The following NFKB1 variants were observed in gnomAD, a reference collection of about 807,000 sequenced individuals.
NFKB1 encodes nuclear factor kappa B subunit 1.
Under a neutral mutation model 105.1 loss-of-function variants are expected in NFKB1, and 9 were observed. That is an observed-to-expected ratio of 0.09 (90% CI 0.05 to 0.15). NFKB1 has a LOEUF of 0.15. Among genes scored for constraint, NFKB1 ranks in the 10% least tolerant of loss-of-function variants. NFKB1 has a pLI of 1.00. For synonymous variants in NFKB1, 440 were observed against 442.2 expected (o/e 1.00, Z 0.06); for missense variants, 830 against 1,203.7 (o/e 0.69, Z 4.59).
intron 5 of NFKB1, among the ~76,000 whole-genome samples, chr4:102,543,169 G>A (rs1721858710): frequency 2.6e-5 from 4 of 152,074 alleles, no homozygotes; most frequent in South Asian, 2.1e-4. Flanking sequence ...AAAGCCACGC[G>A]TGAAGTTTTA....
intron 23 of NFKB1, 73 bp from the exon 24 acceptor site, chr4:102,616,361 T>G: frequency 1.3e-6 from 2 of 1,536,280 alleles, no homozygotes; most frequent in Non-Finnish European, 1.8e-6. Flanking sequence ...GGGCAAGAGT[T>G]GTCCACAGAA....
Position 102,578,978 on chromosome 4 carries a change from T to C in NFKB1, c.669T>C (p.Asp223=). The C allele has an allele frequency of 1.2e-6, 2 of 1,614,094 alleles. No individual in the cohort carries two copies. Among genetic ancestry groups the C allele is most frequent in the Non-Finnish European group, 1.7e-6 (2 of 1,179,966 alleles). ...TCATGTTTACAGCTTTTCTTCCGGATAGCACTGGCAGCTTCACAAGGCGCC... is the reference window on the plus strand; with the variant it reads ...TCATGTTTACAGCTTTTCTTCCGGACAGCACTGGCAGCTTCACAAGGCGCC... ...VRLMFTAFLP[D]STGSFTRRLE... Residue 223 remains aspartate, a synonymous_variant, in exon 8 of 24, where the codon GAT becomes GAC. Coordinates refer to ENST00000226574, the MANE Select transcript of NFKB1 (RefSeq NM_003998.4).
chr4:102,560,481 A>G (rs1381924449), intron 5 of NFKB1, among the ~76,000 whole-genome samples: 1 of 152,204 alleles, frequency 6.6e-6, no homozygotes, highest in Non-Finnish European at 1.5e-5. Flanking sequence ...ATCATGAGCC[A>G]TATATGCTGT....
At chr4:102,524,529 G>T (rs563250330) in intron 1 of NFKB1, among the ~76,000 whole-genome samples, 22 of 152,250 alleles carry the variant, frequency 1.4e-4, no homozygotes, top group South Asian at 4.2e-4. Flanking sequence ...CAGACTGGGG[G>T]CTGGGGGTGA....
intron 5 of NFKB1, among the ~76,000 whole-genome samples, chr4:102,539,382 G>A (rs1368943315): frequency 6.6e-6 from 1 of 151,748 alleles, no homozygotes; most frequent in Non-Finnish European, 1.5e-5. Context: ...ACAAAATGTT[G>A]TGACGTCGTT....
intron 7 of NFKB1, 129 bp from the exon 8 acceptor site, chr4:102,578,752 A>G (rs977796491): frequency 1.7e-5 from 15 of 882,384 alleles, no homozygotes; most frequent in African/African-American, 3.4e-5. Context: ...TATTAGCAAT[A>G]TGAAGAGTTT....
chr4:102,616,348 A>T, intron 23 of NFKB1, 86 bp from the exon 24 acceptor site: 2 of 1,443,406 alleles, frequency 1.4e-6, no homozygotes, highest in South Asian at 1.3e-5. Context: ...GGCAGAAGCC[A>T]GTGGGCAAGA....
intron 19 of NFKB1, 91 bp downstream of exon 19, chr4:102,607,842 C>A: frequency 9.3e-7 from 1 of 1,078,534 alleles, no homozygotes; most frequent in Middle Eastern, 2.0e-4. Context: ...CTTCTTTAAG[C>A]CACAGACCTA....
intron 6 of NFKB1, among the ~76,000 whole-genome samples, chr4:102,572,293 T>C: frequency 7.7e-6 from 1 of 130,188 alleles, no homozygotes; most frequent in East Asian, 2.5e-4. Flanking sequence ...ATGAGAACAC[T>C]TGGACACAGG....
chr4:102,576,742 G>A, intron 6 of NFKB1, 134 bp from the exon 7 acceptor site: 2 of 908,840 alleles, frequency 2.2e-6, no homozygotes, highest in Middle Eastern at 2.9e-4. Context: ...AATGCATGTA[G>A]CCCCAAGAGA....
intron 5 of NFKB1, among the ~76,000 whole-genome samples, chr4:102,548,915 C>T (rs1423146489): frequency 6.6e-6 from 1 of 152,084 alleles, no homozygotes. Flanking sequence ...ATAATTGCAA[C>T]GACCCCATTT....
chr4:102,581,928 A>T (rs995380900), intron 9 of NFKB1, among the ~76,000 whole-genome samples: 2 of 152,244 alleles, frequency 1.3e-5, no homozygotes, highest in Admixed American at 1.3e-4. Flanking sequence ...TGTTTTATCC[A>T]TTCCTAGTAT....
In NFKB1 at chr4:102,607,094, GCCAT is replaced by G. The variant is rs985062929; in HGVS notation, c.1955-54_1955-51del. The stretch of plus-strand genomic sequence containing the variant: ...TGCCATTTCCTTCAGCTTCACAAGG[GCCAT>G]CTTGTGAGTTAGCCATCCCATCCTG... On this transcript the variant is annotated intron_variant, in intron 17 of 23. Coordinates refer to ENST00000226574, the MANE Select transcript of NFKB1 (RefSeq NM_003998.4). The G allele has an allele frequency of 2.3e-5, 36 of 1,557,044 alleles. No homozygotes were observed. The African/African-American group carries it at 4.7e-4, about 21-fold the overall frequency.
intron 5 of NFKB1, among the ~76,000 whole-genome samples, chr4:102,539,493 T>C (rs544170206): frequency 7.2e-5 from 11 of 152,256 alleles, no homozygotes; most frequent in South Asian, 4.1e-4. Flanking sequence ...TGAAAGATGT[T>C]TTTTCTATTA....
intron 23 of NFKB1, 129 bp downstream of exon 23, chr4:102,613,710 C>A: frequency 8.9e-7 from 1 of 1,117,816 alleles, no homozygotes; most frequent in Non-Finnish European, 1.3e-6. Flanking sequence ...GTGTGTCTCT[C>A]TACCCCCTGG....
chr4:102,616,652 C>G lies in NFKB1; in HGVS notation c.*58C>G. ...AAGCCCTAAAATTCCACTGCGTTGT[C>G]CACAAGACAGAAGCTGAAGTGCATC... On this transcript the variant is annotated 3_prime_UTR_variant, in exon 24 of 24. Coordinates refer to ENST00000226574, the MANE Select transcript of NFKB1 (RefSeq NM_003998.4). 1 of 1,563,578 alleles carries G rather than the reference C, an allele frequency of 6.4e-7. No individual in the cohort carries two copies. Among genetic ancestry groups the G allele is most frequent in the Non-Finnish European group, 8.7e-7 (1 of 1,146,896 alleles).
chr4:102,540,045 T>C (rs185721029), intron 5 of NFKB1, among the ~76,000 whole-genome samples: 1 of 152,178 alleles, frequency 6.6e-6, no homozygotes, highest in African/African-American at 2.4e-5. Flanking sequence ...CCTTTATGTA[T>C]GTGTATATTT....
chr4:102,580,763 C>A, intron 9 of NFKB1, 124 bp downstream of exon 9: 1 of 686,010 alleles, frequency 1.5e-6, no homozygotes, highest in Non-Finnish European at 2.4e-6. Context: ...CACAGAAAGT[C>A]TTAAAAAGCA....
chr4:102,531,787 T>C (rs1175203435), intron 3 of NFKB1, among the ~76,000 whole-genome samples: 1 of 152,194 alleles, frequency 6.6e-6, no homozygotes, highest in East Asian at 1.9e-4. Flanking sequence ...GGAAATTAAA[T>C]CCTACAGGAA....
Sources: gnomAD v4.1 joint callset for allele counts (sites outside exome capture counted in the v4.1 genomes callset) on GRCh38, gnomAD v4.1.1 for gene constraint, MANE v1.5 for transcripts, NCBI Gene and HGNC (gene_info 2026-07-23, HGNC 2026-07-21) for gene names.